Variants in UGGT2 observed in about 807,000 individuals in gnomAD.
UGGT2 encodes the protein UDP-glucose:glycoprotein glucosyltransferase 2.
A neutral mutation model predicts 192.1 loss-of-function variants in UGGT2; 180 were observed. That is an observed-to-expected ratio of 0.94 (90% confidence interval 0.83 to 1.06). The LOEUF is 1.06. Ranked by LOEUF, UGGT2 falls within the 50% of genes least tolerant of loss-of-function variation. The probability of loss-of-function intolerance (pLI) is 0.00; values close to 1 mark genes in which losing one functional copy is unlikely to be tolerated. For synonymous variants in UGGT2, 580 were observed against 591.0 expected (o/e 0.98, Z 0.27); for missense variants, 1,849 against 1,795.7 (o/e 1.03, Z -0.54).
At chr13:95,863,225 T>G (rs185486603) in intron 31 of UGGT2, among the ~76,000 whole-genome samples, 11 of 152,282 alleles carry the variant, frequency 7.2e-5, no homozygotes, top group Non-Finnish European at 1.2e-4. Flanking sequence ...AACAGTCCCT[T>G]TTATTTTCAA....
chr13:96,000,811 T>C (rs932860074), intron 5 of UGGT2, among the ~76,000 whole-genome samples: 1 of 152,202 alleles, frequency 6.6e-6, no homozygotes, highest in African/African-American at 2.4e-5. Flanking sequence ...AATTGTAATT[T>C]TGTAGTTTTA....
intron 17 of UGGT2, among the ~76,000 whole-genome samples, chr13:95,928,807 G>A (rs1052662163): frequency 2.0e-5 from 3 of 152,202 alleles, no homozygotes; most frequent in Admixed American, 2.0e-4. Flanking sequence ...GCCGGGCAGA[G>A]GCTGCAATCT....
At chr13:95,970,074 C>T in intron 12 of UGGT2, 38 bp downstream of exon 12, 1 of 1,571,786 alleles carries the variant, frequency 6.4e-7, no homozygotes, top group South Asian at 1.1e-5. Context: ...CTTAAGTATA[C>T]TACAGGTTTT....
chr13:96,003,321 GAAAT>G (rs2045349956), intron 5 of UGGT2, among the ~76,000 whole-genome samples: 1 of 152,094 alleles, frequency 6.6e-6, no homozygotes, highest in African/African-American at 2.4e-5. Flanking sequence ...TTAAGATACT[GAAAT>G]AAGCTACTTA....
intron 38 of UGGT2, among the ~76,000 whole-genome samples, chr13:95,822,354 G>A (rs1000854945): frequency 2.0e-4 from 30 of 152,102 alleles, no homozygotes; most frequent in South Asian, 2.1e-4. Flanking sequence ...GTCATCCTTC[G>A]TGTATAGCAG....
chr13:95,931,415 G>A (rs563924357), intron 17 of UGGT2, among the ~76,000 whole-genome samples: 35 of 152,262 alleles, frequency 2.3e-4, no homozygotes, highest in Admixed American at 5.9e-4. Flanking sequence ...GGAGCTGCCC[G>A]CCACTCCCGC....
chr13:95,970,053 TTA>T, intron 12 of UGGT2, 57 bp downstream of exon 12: 1 of 1,501,130 alleles, frequency 6.7e-7, no homozygotes, highest in Non-Finnish European at 9.1e-7. Flanking sequence ...ATACTTCATT[TTA>T]TGTTAAGCCT....
Position 95,940,013 on chromosome 13 carries a change from G to A in UGGT2, c.1756C>T (p.His586Tyr). The A allele has an allele frequency of 1.2e-6, 2 of 1,601,186 alleles. No homozygotes were observed. Among genetic ancestry groups the A allele is most frequent in the Non-Finnish European group, 1.7e-6 (2 of 1,174,788 alleles). The change falls in exon 16 of 39, where the codon CAT (histidine) becomes TAT (tyrosine). Residue 586 changes from histidine (H) to tyrosine (Y), a missense_variant. His to Tyr is a moderately conservative substitution (Grantham distance 83). Transcript: ENST00000376747. ...VKSVLQNTFP[H>Y]ANIWDILGIH... is the part of the protein sequence containing the mutation. ...CCCAAAATATCCCAAATATTAGCAT[G>A]AGGAAATGTATTTTGGAGAACACTC...
chr13:95,976,131 T>C (rs2050930414), intron 10 of UGGT2, among the ~76,000 whole-genome samples: 1 of 152,198 alleles, frequency 6.6e-6, no homozygotes, highest in South Asian at 2.1e-4. Flanking sequence ...TTCTACTCTC[T>C]ACCTCCATGA....
At chr13:95,892,476 G>C (rs2047829514) in intron 24 of UGGT2, among the ~76,000 whole-genome samples, 1 of 152,006 alleles carries the variant, frequency 6.6e-6, no homozygotes, top group Admixed American at 6.6e-5. Context: ...CAAGCACAGT[G>C]ACAGTTAATT....
chr13:95,966,745 C>A (rs964878604), intron 12 of UGGT2, among the ~76,000 whole-genome samples: 3 of 151,914 alleles, frequency 2.0e-5, no homozygotes, highest in African/African-American at 7.3e-5. Flanking sequence ...ATAATACATA[C>A]CCATGGTTAA....
chr13:95,909,692 T>C (rs1297807916), intron 20 of UGGT2, among the ~76,000 whole-genome samples: 2 of 144,942 alleles, frequency 1.4e-5, no homozygotes, highest in Non-Finnish European at 3.0e-5. Flanking sequence ...GCATGGCACA[T>C]GTATACATAT....
chr13:96,023,256 T>A, intron 3 of UGGT2, 104 bp from the exon 4 acceptor site: 2 of 898,750 alleles, frequency 2.2e-6, no homozygotes, highest in Non-Finnish European at 1.6e-6. Context: ...CAACTACTAT[T>A]AAGTTATTGC....
chr13:95,866,964 T>A (rs889852936), intron 30 of UGGT2, among the ~76,000 whole-genome samples: 4 of 152,132 alleles, frequency 2.6e-5, no homozygotes, highest in Non-Finnish European at 5.9e-5. Flanking sequence ...CCAAAAAGAA[T>A]CTGCTATCAT....
intron 20 of UGGT2, among the ~76,000 whole-genome samples, chr13:95,904,295 CTTTTT>C (rs1051211541): frequency 6.6e-6 from 1 of 151,716 alleles, no homozygotes; most frequent in African/African-American, 2.4e-5. Context: ...TCTATATTAT[CTTTTT>C]TTTATTATTA....
chr13:95,970,031 T>G, intron 12 of UGGT2, 81 bp downstream of exon 12: 1 of 1,392,174 alleles, frequency 7.2e-7, no homozygotes, highest in East Asian at 2.4e-5. Flanking sequence ...ACATTTATCA[T>G]CAGGCCTGCC....
intron 1 of UGGT2, among the ~76,000 whole-genome samples, chr13:96,050,531 G>C (rs2053453953): frequency 6.6e-6 from 1 of 152,190 alleles, no homozygotes; most frequent in African/African-American, 2.4e-5. Context: ...ACTACCATCA[G>C]AGTGAACAGG....
chr13:95,903,324 A>T (rs1566665214), intron 20 of UGGT2, among the ~76,000 whole-genome samples: 1 of 151,036 alleles, frequency 6.6e-6, no homozygotes, highest in Non-Finnish European at 1.5e-5. Flanking sequence ...GTGAAATAAC[A>T]CAAATAAAAA....
rs190786092 is a variant in UGGT2, at chr13:96,045,833, T to C, written c.158+7322A>G. Reference sequence around the variant, plus strand: ...TACAAAACACTGCTGAAAGAAATCATAGACGACACAAACAAATGGAACCAT... The same window carrying C: ...TACAAAACACTGCTGAAAGAAATCACAGACGACACAAACAAATGGAACCAT... On this transcript the variant is annotated intron_variant, in intron 1 of 38. Coordinates refer to ENST00000376747, the MANE Select transcript of UGGT2 (RefSeq NM_020121.4). Among the ~76,000 whole-genome samples the C allele has an allele frequency of 2.6e-4, 39 of 152,178 alleles. 1 individual carries two copies. Among genetic ancestry groups the C allele is most frequent in the African/African-American group, 6.5e-4 (27 of 41,530 alleles).
Sources: allele counts gnomAD v4.1 joint callset (sites outside exome capture counted in the v4.1 genomes callset), GRCh38; gene constraint gnomAD v4.1.1; transcripts MANE v1.5; gene names NCBI Gene and HGNC (gene_info 2026-07-23, HGNC 2026-07-21).